The following STXBP6 variants were observed in gnomAD, a reference collection of about 807,000 sequenced individuals.
STXBP6 encodes the protein syntaxin-binding protein 6.
Under a neutral mutation model 26.9 loss-of-function variants are expected in STXBP6, and 21 were observed. The ratio of observed to expected loss-of-function variants is 0.78; its 90% CI spans 0.55 to 1.12. STXBP6 has a LOEUF of 1.12. Among genes scored for constraint, STXBP6 ranks in the 50% most tolerant of loss-of-function variants. The pLI, the probability that STXBP6 is intolerant of heterozygous loss-of-function variation, is 0.00. For missense variants in STXBP6, 232 were observed against 257.9 expected, an observed-to-expected ratio of 0.90 and a Z score of 0.69; for synonymous variants, 97 against 92.6, an observed-to-expected ratio of 1.05 and a Z score of -0.27.
At chr14:24,813,705 C>G (rs1399648446) in intron 5 of STXBP6, among the ~76,000 whole-genome samples, 1 of 152,246 alleles carries the variant, frequency 6.6e-6, no homozygotes, top group Non-Finnish European at 1.5e-5. Flanking sequence ...ACCAGGCTCT[C>G]TGCCTTTTAA....
At chr14:24,823,351 G>A (rs2068195124) in intron 4 of STXBP6, among the ~76,000 whole-genome samples, 1 of 152,036 alleles carries the variant, frequency 6.6e-6, no homozygotes, top group South Asian at 2.1e-4. Flanking sequence ...AGTGATAAAC[G>A]AAGAGAAAGG....
intron 2 of STXBP6, among the ~76,000 whole-genome samples, chr14:24,880,371 T>TG (rs1241027889): frequency 6.6e-6 from 1 of 152,126 alleles, no homozygotes; most frequent in Non-Finnish European, 1.5e-5. Context: ...CCCAACCTCT[T>TG]GGGGGTACAT....
intron 4 of STXBP6, among the ~76,000 whole-genome samples, chr14:24,822,532 C>T (rs1329764830): frequency 6.6e-6 from 1 of 152,182 alleles, no homozygotes; most frequent in Non-Finnish European, 1.5e-5. Context: ...TATGTTGACA[C>T]AACTGGCAGA....
At chr14:24,828,818 C>A (rs2068367085) in intron 4 of STXBP6, among the ~76,000 whole-genome samples, 1 of 152,092 alleles carries the variant, frequency 6.6e-6, no homozygotes, top group South Asian at 2.1e-4. Flanking sequence ...TGTATGTTCA[C>A]AATAATGCTA....
In STXBP6 at chr14:25,029,588, C is replaced by T. The variant is rs185247386; in HGVS notation, c.-33+20290G>A. ...TTGTTGTTGTCTGGAACTGAACCTG[C>T]AATATCTCTGAGGAATGCCTGCATA... On this transcript the variant is annotated intron_variant, in intron 1 of 5. Coordinates refer to ENST00000323944, the MANE Select transcript of STXBP6 (RefSeq NM_001394410.1). 1.2e-3 allele frequency among the ~76,000 whole-genome samples: 187 copies of T among 152,156 alleles called. 1 individual carries two copies. The highest frequency in any genetic ancestry group is 4.4e-3 in the African/African-American group (181 of 41,458).
In STXBP6 at chr14:24,873,163, A is replaced by G. The variant is rs185307322; in HGVS notation, c.155-16006T>C. Reference sequence around the variant, plus strand: ...ATAAAAAATTCTAAATTCAGAACGCATAAGCCTCCCTCAAATAAAAATGTA... The same window carrying G: ...ATAAAAAATTCTAAATTCAGAACGCGTAAGCCTCCCTCAAATAAAAATGTA... On this transcript the variant is annotated intron_variant, in intron 2 of 5. Transcript: ENST00000323944. Among the ~76,000 whole-genome samples, 7 of 152,344 alleles carry G rather than the reference A, an allele frequency of 4.6e-5. No homozygotes were observed. In the East Asian group the frequency reaches 9.6e-4, roughly 21 times the overall value.
intron 2 of STXBP6, among the ~76,000 whole-genome samples, chr14:24,896,534 A>T (rs528834507): frequency 1.3e-5 from 2 of 152,366 alleles, no homozygotes; most frequent in South Asian, 4.1e-4. Flanking sequence ...AACAAGCAGC[A>T]TTGCATGCAT....
rs371965039 is a variant in STXBP6 at position 24,897,675 on chromosome 14, C to T, written c.155-40518G>A. 4.1e-4 allele frequency among the ~76,000 whole-genome samples: 63 copies of T among 152,160 alleles called. 1 individual carries two copies. Among genetic ancestry groups the T allele is most frequent in the African/African-American group, 1.5e-3 (62 of 41,502 alleles). ...CACAGTACACCTGGGATTAAAGTTT[C>T]GATGAGGGATTATGGATCTTCACAA... On this transcript the variant is annotated intron_variant, in intron 2 of 5. Coordinates refer to ENST00000323944, the MANE Select transcript of STXBP6 (RefSeq NM_001394410.1).
chr14:25,042,074 C>A (rs773194364), intron 1 of STXBP6, among the ~76,000 whole-genome samples: 1 of 152,178 alleles, frequency 6.6e-6, no homozygotes, highest in Non-Finnish European at 1.5e-5. Context: ...TATTGTTTCC[C>A]AGAAGAAAGA....
At chr14:24,832,540 A>G (rs2068486956) in intron 4 of STXBP6, among the ~76,000 whole-genome samples, 1 of 152,194 alleles carries the variant, frequency 6.6e-6, no homozygotes, top group South Asian at 2.1e-4. Context: ...TATCATGACT[A>G]TTCATTAGTC....
At chr14:24,986,595 T>C (rs2074338729) in intron 1 of STXBP6, among the ~76,000 whole-genome samples, 1 of 152,028 alleles carries the variant, frequency 6.6e-6, no homozygotes, top group South Asian at 2.1e-4. Flanking sequence ...GGTGGGAAAA[T>C]AGGAATCCGT....
chr14:24,923,253 T>C (rs955065942), intron 2 of STXBP6, among the ~76,000 whole-genome samples: 1 of 152,160 alleles, frequency 6.6e-6, no homozygotes, highest in Non-Finnish European at 1.5e-5. Flanking sequence ...ATAGGAAATA[T>C]ATCCTCCTGC....
chr14:24,911,065 C>CT (rs1304525173), intron 2 of STXBP6, among the ~76,000 whole-genome samples: 1 of 152,134 alleles, frequency 6.6e-6, no homozygotes, highest in Non-Finnish European at 1.5e-5. Context: ...TGGCTCACAC[C>CT]TGTAACCCCA....
chr14:24,873,178 A>T (rs1202657386), intron 2 of STXBP6, among the ~76,000 whole-genome samples: 1 of 152,170 alleles, frequency 6.6e-6, no homozygotes, highest in Non-Finnish European at 1.5e-5. Flanking sequence ...CCTCCCTCAA[A>T]TAAAAATGTA....
chr14:24,999,580 A>G (rs1251818689), intron 1 of STXBP6, among the ~76,000 whole-genome samples: 1 of 152,214 alleles, frequency 6.6e-6, no homozygotes, highest in Non-Finnish European at 1.5e-5. Context: ...AGATATGAAT[A>G]CAATGTTACG....
chr14:24,839,479 A>G (rs1395236252), intron 4 of STXBP6, among the ~76,000 whole-genome samples: 3 of 151,968 alleles, frequency 2.0e-5, no homozygotes, highest in Non-Finnish European at 4.4e-5. Context: ...AGAATATACA[A>G]TTGAGCAACA....
chr14:24,950,536 A>T (rs1246110198), intron 2 of STXBP6, among the ~76,000 whole-genome samples: 2 of 152,198 alleles, frequency 1.3e-5, no homozygotes, highest in Non-Finnish European at 2.9e-5. Context: ...ATATGGATAA[A>T]TAAATCTCAC....
chr14:24,908,629 C>T (rs1024850204), intron 2 of STXBP6, among the ~76,000 whole-genome samples: 3 of 151,186 alleles, frequency 2.0e-5, no homozygotes, highest in African/African-American at 7.3e-5. Context: ...TCCCATCTGC[C>T]TGGAAAGCTC....
chr14:25,042,811 T>C (rs566113396), intron 1 of STXBP6, among the ~76,000 whole-genome samples: 192 of 152,336 alleles, frequency 1.3e-3, no homozygotes, highest in Non-Finnish European at 2.1e-3. Context: ...GGCACCACAC[T>C]GTTAAAGAGA....
Sources: gnomAD v4.1 joint callset for allele counts (sites outside exome capture counted in the v4.1 genomes callset) on GRCh38, gnomAD v4.1.1 for gene constraint, MANE v1.5 for transcripts, NCBI Gene and HGNC (gene_info 2026-07-23, HGNC 2026-07-21) for gene names.